ZNF99: variants seen among roughly 807,000 people sequenced by gnomAD.
ZNF99 encodes the protein zinc finger protein ENSP00000375192.
In ZNF99, 8 loss-of-function variants were observed where a neutral mutation model predicts 12.8. The observed-to-expected ratio is 0.62, with a 90% CI of 0.37 to 1.13. ZNF99 has a LOEUF of 1.13. ZNF99 is among the 50% of genes most tolerant of loss of function. The pLI, the probability that ZNF99 is intolerant of heterozygous loss-of-function variation, is 0.02. For missense variants in ZNF99, 1,007 were observed against 1,006.2 expected (o/e 1.00, Z -0.01); for synonymous variants, 318 against 319.0 (o/e 1.00, Z 0.03).
intron 3 of ZNF99, among the ~76,000 whole-genome samples, chr19:22,766,305 A>G (rs1174737601): frequency 2.0e-5 from 3 of 150,648 alleles, no homozygotes; most frequent in Non-Finnish European, 3.0e-5. Flanking sequence ...AACATAAAAC[A>G]TAACAATGAA....
At position 22,755,026 on chromosome 19, in the gene ZNF99, G is replaced by C. The variant is rs1834950; in HGVS notation, c.*2288C>G. On this transcript the variant is annotated 3_prime_UTR_variant, in exon 4 of 4. Coordinates refer to ENST00000596209, the MANE Select transcript of ZNF99 (RefSeq NM_001080409.3). ...GCGGAGGTTGCAGTGAGCCGAGATT[G>C]TGCCACTGCACTCCAGAGCCTGGGC... 15,740 of 167,900 alleles carry C rather than the reference G, an allele frequency of 0.094. 1,762 individuals carry two copies. The highest frequency in any genetic ancestry group is 0.29 in the African/African-American group (11,687 of 40,490). 10.4% of individuals were successfully genotyped at this position (167,900 alleles called of 1,614,324 possible). A position where few individuals can be genotyped will look rare whatever the true frequency, so the allele number is the denominator to read the frequency against.
chr19:22,766,929 G>A (rs1337196647), intron 3 of ZNF99, among the ~76,000 whole-genome samples: 5 of 151,946 alleles, frequency 3.3e-5, no homozygotes, highest in African/African-American at 4.8e-5. Flanking sequence ...GGAATTACAG[G>A]CGTGAGACAC....
chr19:22,764,322 T>TTA (rs1431306185), intron 3 of ZNF99, among the ~76,000 whole-genome samples: 1 of 152,192 alleles, frequency 6.6e-6, no homozygotes, highest in African/African-American at 2.4e-5. Flanking sequence ...GATTAAGGAC[T>TTA]TAAATCTAAG....
chr19:22,761,849 G>A (rs1973154082), intron 3 of ZNF99, among the ~76,000 whole-genome samples: 1 of 152,084 alleles, frequency 6.6e-6, no homozygotes, highest in South Asian at 2.1e-4. Context: ...TCAAAACCAT[G>A]CAAATACATG....
rs1433922430 is a variant in ZNF99 at position 22,755,324 on chromosome 19, T to A, written c.*1990A>T. On this transcript the variant is annotated 3_prime_UTR_variant, in exon 4 of 4. Coordinates refer to ENST00000596209, the MANE Select transcript of ZNF99 (RefSeq NM_001080409.3). ...TCAGTATCAACTATTTTCTGTTGAG[T>A]AAGGTCTGAAAACCAGTTAAAAGCT... 2 of 254,448 alleles carry A rather than the reference T, an allele frequency of 7.9e-6. No individual in the cohort carries two copies. The highest frequency in any genetic ancestry group is 4.6e-5 in the African/African-American group (2 of 43,706). 15.8% of individuals were successfully genotyped at this position (254,448 alleles called of 1,614,324 possible). A position where few individuals can be genotyped will look rare whatever the true frequency, so the allele number is the denominator to read the frequency against.
At chr19:22,769,360 A>C (rs1339807428) in intron 1 of ZNF99, 36 bp from the exon 2 acceptor site, 3 of 1,582,188 alleles carry the variant, frequency 1.9e-6, no homozygotes, top group Non-Finnish European at 1.7e-6. Context: ...TAGATTTCCC[A>C]ATTGGCCATG....
intron 1 of ZNF99, among the ~76,000 whole-genome samples, chr19:22,779,381 A>G (rs1406321222): frequency 3.3e-5 from 5 of 151,794 alleles, no homozygotes; most frequent in Non-Finnish European, 7.4e-5. Context: ...AAAATTAGCC[A>G]GGCATGATGG....
chr19:22,781,308 G>A (rs1025882932), intron 1 of ZNF99, among the ~76,000 whole-genome samples: 12 of 150,734 alleles, frequency 8.0e-5, no homozygotes, highest in Non-Finnish European at 1.2e-4. Flanking sequence ...TCACTTAAGT[G>A]CCCAATAACT....
intron 3 of ZNF99, among the ~76,000 whole-genome samples, chr19:22,766,223 A>C (rs1035254529): frequency 6.6e-6 from 1 of 151,496 alleles, no homozygotes; most frequent in African/African-American, 2.4e-5. Flanking sequence ...AAAATAAGCA[A>C]AGTGTGCCAC....
chr19:22,757,464 T>C lies in ZNF99; in HGVS notation c.2445A>G (p.Lys815=). The C allele has an allele frequency of 6.2e-7, 1 of 1,610,664 alleles. No homozygotes were observed. The highest frequency in any genetic ancestry group is 8.5e-7 in the Non-Finnish European group (1 of 1,179,538). ...TACCACATTCTTCACATTTGTAGGATTTCTCTCCAGTATGAATTATCTCAT... is the reference window on the plus strand; with the variant it reads ...TACCACATTCTTCACATTTGTAGGACTTCTCTCCAGTATGAATTATCTCAT... ...RKHEIIHTGE[K]SYKCEECGKA... The change falls in exon 4 of 4, where the codon AAA becomes AAG. Residue 815 remains lysine, a synonymous_variant. Transcript: ENST00000596209.
rs557987231 is a variant in ZNF99, at chr19:22,783,950, C to T, written c.3+64G>A. ...AGGGGAGGCCTGAGTCCCGCCACAG[C>T]CACTTTCCACCGGTTCCAGTCAGCC... On this transcript the variant is annotated intron_variant, in intron 1 of 3. Transcript: ENST00000596209. 6.8e-6 allele frequency: 11 copies of T among 1,610,066 alleles called. No individual in the cohort carries two copies. In the South Asian group the frequency reaches 9.9e-5, roughly 14 times the overall value.
At position 22,758,547 on chromosome 19, in the gene ZNF99, T is replaced by A. The variant is rs1298540319; in HGVS notation, c.1362A>T (p.Lys454Asn). 6.2e-7 allele frequency: 1 copy of A among 1,613,162 alleles called. No homozygotes were observed. Among genetic ancestry groups the A allele is most frequent in the Non-Finnish European group, 8.5e-7 (1 of 1,179,604 alleles). The part of the protein sequence containing the change: ...KIIHTGKQPY[K>N]CEECSKAFSN... ...TAAAAGCTTTGCTGCATTCTTCACA[T>A]TTGTAGGGTTGCTTTCCAGTATGAA... The change falls in exon 4 of 4, where the codon AAA becomes AAT. Residue 454 changes from lysine (K) to asparagine (N), a missense_variant. Physicochemically the swap from Lys to Asn is moderately conservative, Grantham distance 94. Coordinates refer to ENST00000596209, the MANE Select transcript of ZNF99 (RefSeq NM_001080409.3).
At chr19:22,768,945 C>T (rs1973234270) in intron 2 of ZNF99, among the ~76,000 whole-genome samples, 1 of 151,424 alleles carries the variant, frequency 6.6e-6, no homozygotes, top group African/African-American at 2.4e-5. Context: ...AGAAGAATTG[C>T]TTGAACCTGG....
In ZNF99 at chr19:22,753,787, CA is replaced by C. The variant is rs779909455; in HGVS notation, c.*3526del. The C allele has an allele frequency of 2.0e-4, 42 of 214,658 alleles. 1 individual carries two copies. The Middle Eastern group carries it at 0.012, about 62-fold the overall frequency. The allele number at this position is 214,658 out of a possible 1,614,324, so 13.3% of individuals were successfully genotyped here. ...CTTTTCCACATTCTTCATAGGTGTA[CA>C]TTTTTTTTCAAGTATAAATGCTTTC... On this transcript the variant is annotated 3_prime_UTR_variant, in exon 4 of 4. Coordinates refer to ENST00000596209, the MANE Select transcript of ZNF99 (RefSeq NM_001080409.3).
chr19:22,781,952 G>GA (rs938998607), intron 1 of ZNF99, among the ~76,000 whole-genome samples: 60 of 143,804 alleles, frequency 4.2e-4, no homozygotes, highest in African/African-American at 7.1e-4. Flanking sequence ...GAGCAAGGAG[G>GA]AAAAAAAAAA....
intron 1 of ZNF99, among the ~76,000 whole-genome samples, chr19:22,782,418 C>T (rs62122369): frequency 0.081 from 12,202 of 151,512 alleles, 530 homozygotes; most frequent in Middle Eastern, 0.11. Flanking sequence ...TGCAATGGCG[C>T]GATCTCGGCT....
At chr19:22,780,363 A>T (rs1467425815) in intron 1 of ZNF99, among the ~76,000 whole-genome samples, 4 of 152,220 alleles carry the variant, frequency 2.6e-5, no homozygotes, top group African/African-American at 9.6e-5. Flanking sequence ...TATTCTTTTC[A>T]GACAATAAAT....
chr19:22,779,892 T>A (rs1568388882), intron 1 of ZNF99, among the ~76,000 whole-genome samples: 1 of 152,232 alleles, frequency 6.6e-6, no homozygotes, highest in Non-Finnish European at 1.5e-5. Context: ...TGGAATTCAA[T>A]TCTTTTTTCA....
At chr19:22,773,138 C>G (rs1228824156) in intron 1 of ZNF99, among the ~76,000 whole-genome samples, 1 of 152,154 alleles carries the variant, frequency 6.6e-6, no homozygotes, top group Non-Finnish European at 1.5e-5. Context: ...AACAATTCTG[C>G]CTGCATATTT....
Sources: gnomAD v4.1 joint callset for allele counts (sites outside exome capture counted in the v4.1 genomes callset) on GRCh38, gnomAD v4.1.1 for gene constraint, MANE v1.5 for transcripts, NCBI Gene and HGNC (gene_info 2026-07-23, HGNC 2026-07-21) for gene names.